The following CLMN variants were observed in gnomAD, a reference collection of about 807,000 sequenced individuals.
CLMN encodes the protein calmin (calponin-like, transmembrane).
In CLMN, 57 loss-of-function variants were observed where a neutral mutation model predicts 92.7. The observed-to-expected ratio is 0.61, with a 90% CI of 0.50 to 0.77. The LOEUF (loss-of-function observed/expected upper bound fraction) is 0.77, where lower values mean the gene tolerates loss of function less well. Among genes scored for constraint, CLMN ranks in the 30% least tolerant of loss-of-function variants. CLMN has a pLI of 0.00. For synonymous variants in CLMN, 466 were observed against 470.6 expected, an observed-to-expected ratio of 0.99 and a Z score of 0.13; for missense variants, 1,158 against 1,237.5, an observed-to-expected ratio of 0.94 and a Z score of 0.96.
Position 95,209,425 on chromosome 14 carries a change from C to T in CLMN, c.855G>A (p.Gln285=). 6.2e-7 allele frequency: 1 copy of T among 1,614,150 alleles called. No homozygotes were observed. The highest frequency in any genetic ancestry group is 8.5e-7 in the Non-Finnish European group (1 of 1,180,024). Residue 285 remains glutamine (Q), a synonymous_variant, in exon 8 of 13, where the codon CAG becomes CAA. Coordinates refer to ENST00000298912, the MANE Select transcript of CLMN (RefSeq NM_024734.4). ...CCAACTCCGGAAAACGTTCTAGAAA[C>T]TGTGCCACGTAAGTCATGATAGACT... ...DEQSIMTYVA[Q]FLERFPELEA... is the part of the protein sequence containing the mutation.
intron 1 of CLMN, among the ~76,000 whole-genome samples, chr14:95,307,020 G>C (rs76308155): frequency 0.048 from 7,272 of 152,266 alleles, 193 homozygotes; most frequent in Middle Eastern, 0.092. Flanking sequence ...GAAAGGGGCT[G>C]GGGTCTCACT....
chr14:95,232,737 G>A (rs1211613160), intron 1 of CLMN, among the ~76,000 whole-genome samples: 3 of 152,184 alleles, frequency 2.0e-5, no homozygotes, highest in African/African-American at 7.2e-5. Context: ...GGAGACTCCC[G>A]GAAGCTCAGA....
chr14:95,292,428 T>TCCCCCCC (rs1263766978), intron 1 of CLMN, among the ~76,000 whole-genome samples: 296 of 74,056 alleles, frequency 4.0e-3, no homozygotes, highest in African/African-American at 6.2e-3. Context: ...CCCCCAAGGG[T>TCCCCCCC]CCCCCACCCC....
chr14:95,318,321 C>T (rs746078788), intron 1 of CLMN, among the ~76,000 whole-genome samples: 2 of 152,160 alleles, frequency 1.3e-5, no homozygotes, highest in Non-Finnish European at 2.9e-5. Context: ...AGATCACTTT[C>T]AACATCCCAG....
intron 1 of CLMN, among the ~76,000 whole-genome samples, chr14:95,280,630 C>T (rs1222468029): frequency 6.6e-6 from 1 of 152,046 alleles, no homozygotes; most frequent in African/African-American, 2.4e-5. Flanking sequence ...TTTTTCTGAC[C>T]TGATTAATCC....
rs148994211 is a variant in CLMN at position 95,239,860 on chromosome 14, C to T, written c.83-9727G>A. Among the ~76,000 whole-genome samples the T allele has an allele frequency of 2.7e-4, 41 of 152,300 alleles. 1 individual carries two copies. In the East Asian group the frequency reaches 6.4e-3, roughly 24 times the overall value. On this transcript the variant is annotated intron_variant, in intron 1 of 12. Coordinates refer to ENST00000298912, the MANE Select transcript of CLMN (RefSeq NM_024734.4). ...CATGTGCCATATAATGACATTTCAACGATGGACCACATACACAATGGTGTT... is the reference window on the plus strand; with the variant it reads ...CATGTGCCATATAATGACATTTCAATGATGGACCACATACACAATGGTGTT...
chr14:95,196,438 G>T, intron 10 of CLMN, 60 bp downstream of exon 10: 1 of 1,517,286 alleles, frequency 6.6e-7, no homozygotes, highest in Non-Finnish European at 8.9e-7. Context: ...ATCAGAAACT[G>T]CAAATAACTC....
At chr14:95,290,703 C>T (rs994648462) in intron 1 of CLMN, among the ~76,000 whole-genome samples, 9 of 152,200 alleles carry the variant, frequency 5.9e-5, no homozygotes, top group Non-Finnish European at 1.2e-4. Flanking sequence ...CTGTGAGATG[C>T]CACATCTGCA....
intron 1 of CLMN, among the ~76,000 whole-genome samples, chr14:95,286,385 T>A (rs1900343050): frequency 6.6e-6 from 1 of 152,228 alleles, no homozygotes; most frequent in Non-Finnish European, 1.5e-5. Flanking sequence ...AGGCACAGGT[T>A]ACATATTATC....
intron 1 of CLMN, among the ~76,000 whole-genome samples, chr14:95,280,743 G>T (rs1030507466): frequency 3.9e-5 from 6 of 152,104 alleles, no homozygotes; most frequent in African/African-American, 9.7e-5. Context: ...TTTGGCTTTT[G>T]TTGGGCTATA....
At chr14:95,317,564 G>A (rs192888120) in intron 1 of CLMN, among the ~76,000 whole-genome samples, 2 of 150,542 alleles carry the variant, frequency 1.3e-5, no homozygotes, top group East Asian at 2.0e-4. Flanking sequence ...AGATACAGGC[G>A]AGAGCACAGA....
At chr14:95,214,479 T>A (rs1897278605) in intron 5 of CLMN, among the ~76,000 whole-genome samples, 1 of 151,788 alleles carries the variant, frequency 6.6e-6, no homozygotes, top group Non-Finnish European at 1.5e-5. Flanking sequence ...CCTTCCAAGT[T>A]GCTGGGATTA....
intron 1 of CLMN, among the ~76,000 whole-genome samples, chr14:95,238,499 C>G (rs1295305154): frequency 1.3e-5 from 2 of 152,224 alleles, no homozygotes; most frequent in Non-Finnish European, 2.9e-5. Context: ...TTTGCTCTGA[C>G]CCAAGTCCCT....
chr14:95,233,528 T>C (rs771273546), intron 1 of CLMN, among the ~76,000 whole-genome samples: 6 of 152,230 alleles, frequency 3.9e-5, no homozygotes, highest in African/African-American at 7.2e-5. Context: ...GAAATTATGA[T>C]AGGCTCTCTG....
chr14:95,184,875 A>C lies in CLMN; in HGVS notation c.*6689T>G, dbSNP rs888680691. 1 of 152,536 alleles carries C rather than the reference A, an allele frequency of 6.6e-6. No homozygotes were observed. The highest frequency in any genetic ancestry group is 1.5e-5 in the Non-Finnish European group (1 of 68,300). The allele number at this position is 152,536 out of a possible 1,614,324, so 9.4% of individuals were successfully genotyped here. A position where few individuals can be genotyped will look rare whatever the true frequency, so the allele number is the denominator to read the frequency against. Reference sequence around the variant, plus strand: ...TATAATCCCAGCATTTTGGTAGGCCAAGGCAGGAGGATCACTTGAGGCCAG... The same window carrying C: ...TATAATCCCAGCATTTTGGTAGGCCCAGGCAGGAGGATCACTTGAGGCCAG... On this transcript the variant is annotated 3_prime_UTR_variant, in exon 13 of 13. Transcript: ENST00000298912.
chr14:95,301,241 T>C (rs111520388), intron 1 of CLMN, among the ~76,000 whole-genome samples: 4 of 152,352 alleles, frequency 2.6e-5, no homozygotes, highest in Admixed American at 1.3e-4. Context: ...CCCATAATTC[T>C]TGTGTGTCCG....
chr14:95,206,480 G>A (rs962949765), intron 8 of CLMN, among the ~76,000 whole-genome samples: 7 of 152,096 alleles, frequency 4.6e-5, no homozygotes, highest in African/African-American at 1.7e-4. Context: ...AAATGCATAT[G>A]GCACATTTAC....
chr14:95,205,019 G>A (rs797001431), intron 8 of CLMN, among the ~76,000 whole-genome samples: 2 of 152,334 alleles, frequency 1.3e-5, no homozygotes, highest in African/African-American at 4.8e-5. Context: ...CCAGCTGGGG[G>A]CAGGGCTGAA....
At chr14:95,301,926 C>T (rs1901073776) in intron 1 of CLMN, among the ~76,000 whole-genome samples, 4 of 152,192 alleles carry the variant, frequency 2.6e-5, no homozygotes, top group Admixed American at 2.6e-4. Context: ...TCTGACATGC[C>T]CCAGCATCAC....
Sources: allele counts gnomAD v4.1 joint callset (sites outside exome capture counted in the v4.1 genomes callset), GRCh38; gene constraint gnomAD v4.1.1; transcripts MANE v1.5; gene names NCBI Gene and HGNC (gene_info 2026-07-23, HGNC 2026-07-21).